RGS6: variants seen among roughly 807,000 people sequenced by gnomAD.
The protein encoded by RGS6 is regulator of G protein signaling 6.
In RGS6, 30 loss-of-function variants were observed where a neutral mutation model predicts 78.5. The observed-to-expected ratio is 0.38, with a 90% confidence interval of 0.29 to 0.52. The LOEUF (loss-of-function observed/expected upper bound fraction) is 0.52, where lower values mean the gene tolerates loss of function less well. Ranked by LOEUF, RGS6 falls within the 20% of genes least tolerant of loss-of-function variation. RGS6 has a pLI of 0.85. For synonymous variants in RGS6, 206 were observed against 206.0 expected (o/e 1.00, Z 0.00); for missense variants, 495 against 609.7 (o/e 0.81, Z 1.98).
intron 2 of RGS6, among the ~76,000 whole-genome samples, chr14:72,276,692 C>G (rs1446146335): frequency 6.6e-6 from 1 of 152,190 alleles, no homozygotes; most frequent in East Asian, 1.9e-4. Flanking sequence ...GCTTTCACTT[C>G]TCATTTTCCT....
At chr14:72,198,947 G>A (rs925795368) in intron 2 of RGS6, among the ~76,000 whole-genome samples, 4 of 152,214 alleles carry the variant, frequency 2.6e-5, no homozygotes, top group Non-Finnish European at 4.4e-5. Flanking sequence ...CTTCAGAAAC[G>A]TAACAAGGTT....
the RGS6 span, among the ~76,000 whole-genome samples, chr14:72,623,309 T>C: frequency 6.6e-6 from 1 of 152,134 alleles, no homozygotes; most frequent in Non-Finnish European, 1.5e-5. Flanking sequence ...TAAATAGCAA[T>C]ATGTCCCTAA....
At chr14:72,136,603 G>C (rs1180099784) in intron 2 of RGS6, among the ~76,000 whole-genome samples, 1 of 152,084 alleles carries the variant, frequency 6.6e-6, no homozygotes, top group South Asian at 2.1e-4. Flanking sequence ...ACAGTATTGG[G>C]GAAATCACTC....
At chr14:71,990,100 G>A (rs1324084077) in intron 2 of RGS6, among the ~76,000 whole-genome samples, 1 of 152,144 alleles carries the variant, frequency 6.6e-6, no homozygotes, top group Non-Finnish European at 1.5e-5. Flanking sequence ...CATACCCAAA[G>A]GGCATCCTGG....
chr14:72,246,313 A>G (rs1304949297), intron 2 of RGS6, among the ~76,000 whole-genome samples: 1 of 152,206 alleles, frequency 6.6e-6, no homozygotes, highest in African/African-American at 2.4e-5. Flanking sequence ...GTAGGTTCAA[A>G]ATAAACAATG....
the RGS6 span, among the ~76,000 whole-genome samples, chr14:71,876,044 T>C: frequency 2.0e-5 from 3 of 152,224 alleles, no homozygotes; most frequent in East Asian, 5.8e-4. Context: ...TTACATTTGC[T>C]GAGGAGTGCT....
At chr14:72,092,485 G>T (rs909071170) in intron 2 of RGS6, among the ~76,000 whole-genome samples, 3 of 150,992 alleles carry the variant, frequency 2.0e-5, no homozygotes, top group African/African-American at 7.3e-5. Flanking sequence ...GGGTTCAAGT[G>T]ATGCTCATGC....
At chr14:72,312,736 A>G (rs2068962768) in intron 2 of RGS6, among the ~76,000 whole-genome samples, 1 of 152,180 alleles carries the variant, frequency 6.6e-6, no homozygotes, top group Admixed American at 6.5e-5. Context: ...GTGGGGATCC[A>G]GTGTCAAAGG....
chr14:71,884,678 G>A, the RGS6 span, among the ~76,000 whole-genome samples: 1 of 152,108 alleles, frequency 6.6e-6, no homozygotes, highest in Non-Finnish European at 1.5e-5. Flanking sequence ...GGAAAATGAG[G>A]TCTATTCCTT....
At chr14:72,405,598 T>C (rs933493527) in intron 3 of RGS6, among the ~76,000 whole-genome samples, 2 of 152,190 alleles carry the variant, frequency 1.3e-5, no homozygotes, top group African/African-American at 4.8e-5. Context: ...ATGACATATA[T>C]AATCTTTATA....
chr14:72,274,694 A>C (rs544727955), intron 2 of RGS6, among the ~76,000 whole-genome samples: 36 of 152,314 alleles, frequency 2.4e-4, no homozygotes, highest in Non-Finnish European at 4.0e-4. Context: ...GTCAGAGAAG[A>C]AGTTGTAATG....
chr14:72,236,846 C>T (rs1293424815), intron 2 of RGS6, among the ~76,000 whole-genome samples: 37 of 151,988 alleles, frequency 2.4e-4, no homozygotes, highest in East Asian at 1.9e-4. Flanking sequence ...GTGGCAGCTG[C>T]GCAGAGGCGC....
At chr14:72,185,458 A>C (rs1015347571) in intron 2 of RGS6, among the ~76,000 whole-genome samples, 1 of 152,192 alleles carries the variant, frequency 6.6e-6, no homozygotes, top group Admixed American at 6.5e-5. Flanking sequence ...AAAACTCTTG[A>C]TGAGAGTAAT....
intron 7 of RGS6, among the ~76,000 whole-genome samples, chr14:72,466,054 C>T (rs903655906): frequency 6.6e-6 from 1 of 151,952 alleles, no homozygotes; most frequent in Non-Finnish European, 1.5e-5. Context: ...ATAAGCAGCT[C>T]AACTTAAAAA....
intron 3 of RGS6, among the ~76,000 whole-genome samples, chr14:72,405,345 C>T (rs529038910): frequency 5.9e-5 from 9 of 152,300 alleles, no homozygotes; most frequent in South Asian, 4.1e-4. Context: ...TAGGCAGTCT[C>T]CTCTCAGCAG....
chr14:72,390,255 G>A (rs1315901904), intron 3 of RGS6, among the ~76,000 whole-genome samples: 3 of 151,924 alleles, frequency 2.0e-5, no homozygotes, highest in African/African-American at 7.3e-5. Flanking sequence ...ATGCCACCAC[G>A]CCCAGTTAAT....
At chr14:72,553,164 A>C (rs2097529509) in intron 17 of RGS6, 2 of 152,526 alleles carry the variant, frequency 1.3e-5, no homozygotes, top group South Asian at 4.1e-4. Context: ...TCTCTGTTGC[A>C]TGGATTGCAT....
chr14:72,037,756 G>A (rs942121943), intron 2 of RGS6, among the ~76,000 whole-genome samples: 33 of 152,146 alleles, frequency 2.2e-4, no homozygotes, highest in African/African-American at 8.0e-4. Flanking sequence ...AATGGAAATG[G>A]GAATACACGT....
At chr14:72,130,828 C>T (rs942435492) in intron 2 of RGS6, among the ~76,000 whole-genome samples, 1 of 152,154 alleles carries the variant, frequency 6.6e-6, no homozygotes, top group South Asian at 2.1e-4. Flanking sequence ...CTATGTCTTA[C>T]GTATACATAA....
Sources: allele counts gnomAD v4.1 joint callset (sites outside exome capture counted in the v4.1 genomes callset), GRCh38; gene constraint gnomAD v4.1.1; transcripts MANE v1.5; gene names NCBI Gene and HGNC (gene_info 2026-07-23, HGNC 2026-07-21).